Variants in TRABD2B observed in about 807,000 individuals in gnomAD.
The protein encoded by TRABD2B is metalloprotease TIKI2.
In TRABD2B, 14 loss-of-function variants were observed where a neutral mutation model predicts 40.1. The ratio of observed to expected loss-of-function variants is 0.35; its 90% CI spans 0.23 to 0.55. TRABD2B has a LOEUF of 0.55. Ranked by LOEUF, TRABD2B falls within the 20% of genes least tolerant of loss-of-function variation. The pLI is 0.90. For synonymous variants in TRABD2B, 263 were observed against 277.0 expected (o/e 0.95, Z 0.50); for missense variants, 541 against 648.6 (o/e 0.83, Z 1.80).
At chr1:47,883,018 A>G (rs1644326095) in intron 2 of TRABD2B, among the ~76,000 whole-genome samples, 1 of 152,198 alleles carries the variant, frequency 6.6e-6, no homozygotes, top group South Asian at 2.1e-4. Flanking sequence ...TCTTTCTCCA[A>G]TGTGAGCTTT....
At chr1:47,817,344 C>A (rs1398667985) in intron 2 of TRABD2B, among the ~76,000 whole-genome samples, 1 of 151,962 alleles carries the variant, frequency 6.6e-6, no homozygotes, top group Non-Finnish European at 1.5e-5. Context: ...TCTGGGTTCC[C>A]AGTGTGAAGC....
Position 47,805,629 on chromosome 1 carries a change from G to A in TRABD2B, c.667-4010C>T, listed in dbSNP as rs150726029. 1.2e-3 allele frequency among the ~76,000 whole-genome samples: 182 copies of A among 152,180 alleles called. 1 individual carries two copies. The highest frequency in any genetic ancestry group is 1.9e-3 in the Non-Finnish European group (131 of 68,012). On this transcript the variant is annotated intron_variant, in intron 2 of 6. Coordinates refer to ENST00000606738, the MANE Select transcript of TRABD2B (RefSeq NM_001194986.2). The stretch of plus-strand genomic sequence containing the variant: ...GAGGTATGCTGATCCAGAATCATGC[G>A]CACTTTCCCTTACACCTCCTGCCCC...
intron 2 of TRABD2B, among the ~76,000 whole-genome samples, chr1:47,952,610 C>G (rs1248191980): frequency 6.6e-6 from 1 of 152,190 alleles, no homozygotes; most frequent in African/African-American, 2.4e-5. Flanking sequence ...GCACACCTCT[C>G]CCTCTGTCTC....
chr1:47,996,556 C>A lies in TRABD2B; in HGVS notation c.102+132G>T, dbSNP rs1570438563. ...CAGGCAGGAGCGAAGGAAGGGCGCC[C>A]GAGGCTGCGCCCGGGGGGTGGAGGT... On this transcript the variant is annotated intron_variant, in intron 1 of 6. Coordinates refer to ENST00000606738, the MANE Select transcript of TRABD2B (RefSeq NM_001194986.2). The surrounding 1 kb of genome is among the most constrained non-coding windows in gnomAD (Gnocchi z 4.6). 2 of 1,081,924 alleles carry A rather than the reference C, an allele frequency of 1.8e-6. No individual in the cohort carries two copies. The highest frequency in any genetic ancestry group is 2.3e-6 in the Non-Finnish European group (2 of 866,132). The allele number at this position is 1,081,924 out of a possible 1,614,324, so 67.0% of individuals were successfully genotyped here. A position where few individuals can be genotyped will look rare whatever the true frequency, so the allele number is the denominator to read the frequency against.
intron 2 of TRABD2B, among the ~76,000 whole-genome samples, chr1:47,873,064 T>C (rs554140060): frequency 5.1e-4 from 77 of 152,292 alleles, no homozygotes; most frequent in African/African-American, 1.8e-3. Flanking sequence ...TCCTCACTGG[T>C]GGAAGGGGCT....
chr1:47,868,154 G>A (rs756765578), intron 2 of TRABD2B, among the ~76,000 whole-genome samples: 11 of 152,200 alleles, frequency 7.2e-5, no homozygotes. Flanking sequence ...AGCACCATTC[G>A]CATTTGGTGT....
At chr1:47,794,077 C>T (rs543667897) in intron 4 of TRABD2B, among the ~76,000 whole-genome samples, 1 of 152,330 alleles carries the variant, frequency 6.6e-6, no homozygotes, top group East Asian at 1.9e-4. Flanking sequence ...TAGATATTTT[C>T]AGTTCATCAA....
chr1:47,940,586 C>T (rs914120388), intron 2 of TRABD2B, among the ~76,000 whole-genome samples: 3 of 152,200 alleles, frequency 2.0e-5, no homozygotes, highest in African/African-American at 7.2e-5. Context: ...TGTGACTACA[C>T]GTTCCCTCCC....
At chr1:47,773,724 G>T (rs1232641866) in intron 6 of TRABD2B, among the ~76,000 whole-genome samples, 2 of 152,224 alleles carry the variant, frequency 1.3e-5, no homozygotes, top group African/African-American at 4.8e-5. Context: ...AAATTACCCA[G>T]TCTCGGGTAT....
In TRABD2B at chr1:47,828,396, G is replaced by A. The variant is rs189502321; in HGVS notation, c.667-26777C>T. On this transcript the variant is annotated intron_variant, in intron 2 of 6. Coordinates refer to ENST00000606738, the MANE Select transcript of TRABD2B (RefSeq NM_001194986.2). The stretch of plus-strand genomic sequence containing the variant: ...CAGTATAGGCAGAGGGGTGAGTGGC[G>A]ACCACATCACTTGCCCCTCCTGTCT... Among the ~76,000 whole-genome samples the A allele has an allele frequency of 1.1e-3, 165 of 152,242 alleles. 2 individuals carry two copies. The highest frequency in any genetic ancestry group is 3.2e-3 in the African/African-American group (131 of 41,566).
At chr1:47,895,928 C>A (rs1392981347) in intron 2 of TRABD2B, among the ~76,000 whole-genome samples, 1 of 152,210 alleles carries the variant, frequency 6.6e-6, no homozygotes, top group Non-Finnish European at 1.5e-5. Flanking sequence ...TGGGACTTGT[C>A]CCACCAGTGA....
At chr1:47,958,828 C>A (rs1645464649) in intron 2 of TRABD2B, among the ~76,000 whole-genome samples, 1 of 152,068 alleles carries the variant, frequency 6.6e-6, no homozygotes, top group Non-Finnish European at 1.5e-5. Flanking sequence ...ACAAGGATAT[C>A]CAGGAATTGA....
At chr1:47,913,033 G>A (rs1644783548) in intron 2 of TRABD2B, among the ~76,000 whole-genome samples, 1 of 152,168 alleles carries the variant, frequency 6.6e-6, no homozygotes. Flanking sequence ...TCTTGGCTGT[G>A]AAAAGGTTCT....
chr1:47,841,136 T>C (rs1372627968), intron 2 of TRABD2B, among the ~76,000 whole-genome samples: 1 of 152,144 alleles, frequency 6.6e-6, no homozygotes, highest in Non-Finnish European at 1.5e-5. Flanking sequence ...CTTAACTCCT[T>C]AACTCATTTA....
At chr1:47,944,313 G>C (rs1645229844) in intron 2 of TRABD2B, among the ~76,000 whole-genome samples, 1 of 152,180 alleles carries the variant, frequency 6.6e-6, no homozygotes, top group Admixed American at 6.5e-5. Flanking sequence ...TGGTTCTCAA[G>C]AAATATTTGT....
At chr1:47,975,853 G>A (rs1645748633) in intron 2 of TRABD2B, among the ~76,000 whole-genome samples, 1 of 152,168 alleles carries the variant, frequency 6.6e-6, no homozygotes, top group South Asian at 2.1e-4. Context: ...GAAGGGCCAG[G>A]CTGGACCTGA....
chr1:47,865,965 A>G (rs1644050647), intron 2 of TRABD2B, among the ~76,000 whole-genome samples: 1 of 152,072 alleles, frequency 6.6e-6, no homozygotes, highest in African/African-American at 2.4e-5. Context: ...CTCTTCATCT[A>G]TAAAGGGAGA....
At chr1:47,805,049 T>G (rs1644872825) in intron 2 of TRABD2B, among the ~76,000 whole-genome samples, 1 of 152,134 alleles carries the variant, frequency 6.6e-6, no homozygotes, top group Non-Finnish European at 1.5e-5. Flanking sequence ...TCCTGTGGCC[T>G]CCTCATATTA....
intron 2 of TRABD2B, among the ~76,000 whole-genome samples, chr1:47,923,957 CACACACACACACAT>C (rs1460510656): frequency 7.8e-6 from 1 of 127,416 alleles, no homozygotes; most frequent in African/African-American, 2.9e-5. Context: ...CACACACACA[CACACACACACACAT>C]CCTATTAGTT....
Sources: gnomAD v4.1 joint callset for allele counts (sites outside exome capture counted in the v4.1 genomes callset) on GRCh38, gnomAD v4.1.1 for gene constraint, Gnocchi (gnomAD v3.1) non-coding constraint, MANE v1.5 for transcripts, NCBI Gene and HGNC (gene_info 2026-07-23, HGNC 2026-07-21) for gene names.